The following FMN1 variants were observed in gnomAD, a reference collection of about 807,000 sequenced individuals.
FMN1 encodes formin 1, also known as formin-1.
A neutral mutation model predicts 132.4 loss-of-function variants in FMN1; 110 were observed. The observed-to-expected ratio is 0.83, with a 90% CI of 0.71 to 0.97. The LOEUF (loss-of-function observed/expected upper bound fraction) is 0.97. FMN1 is among the 50% of genes least tolerant of loss of function. The pLI, the probability that FMN1 is intolerant of heterozygous loss-of-function variation, is 0.00. For synonymous variants in FMN1, 722 were observed against 651.7 expected, an observed-to-expected ratio of 1.11 and a Z score of -1.64; for missense variants, 1,792 against 1,705.3, an observed-to-expected ratio of 1.05 and a Z score of -0.90.
At chr15:32,777,479 AT>A (rs1567149083) in intron 19 of FMN1, among the ~76,000 whole-genome samples, 2 of 116,598 alleles carry the variant, frequency 1.7e-5, no homozygotes, top group Admixed American at 9.1e-5. Context: ...ATATTTATAT[AT>A]TATATTTATA....
chr15:33,146,820 G>A (rs1163521837), intron 4 of FMN1, among the ~76,000 whole-genome samples: 1 of 152,166 alleles, frequency 6.6e-6, no homozygotes. Flanking sequence ...GCTATCAAGA[G>A]GAAGGGGGTG....
At chr15:33,116,576 A>AG (rs1339605555) in intron 4 of FMN1, among the ~76,000 whole-genome samples, 2 of 152,034 alleles carry the variant, frequency 1.3e-5, no homozygotes, top group Non-Finnish European at 2.9e-5. Context: ...GTTTGTCGAA[A>AG]GTTTTTTTTT....
At chr15:33,165,056 C>T (rs569553148) in intron 3 of FMN1, among the ~76,000 whole-genome samples, 104 of 152,176 alleles carry the variant, frequency 6.8e-4, no homozygotes, top group Non-Finnish European at 1.1e-3. Context: ...TGTTTTTGTA[C>T]CCACCGCCTG....
chr15:33,018,979 A>C (rs1023924654), intron 6 of FMN1, among the ~76,000 whole-genome samples: 2 of 152,178 alleles, frequency 1.3e-5, no homozygotes, highest in Non-Finnish European at 2.9e-5. Flanking sequence ...CAAAGGAGTG[A>C]GCAGCAGCAA....
At chr15:33,138,445 A>T (rs1238000161) in intron 4 of FMN1, among the ~76,000 whole-genome samples, 1 of 151,908 alleles carries the variant, frequency 6.6e-6, no homozygotes, top group African/African-American at 2.4e-5. Context: ...CTCCTCTGAC[A>T]TCTCTCCCCA....
rs2141289586 is a variant in FMN1, at chr15:33,074,085, C to T, written c.2044-9011G>A. Among the ~76,000 whole-genome samples, 2 of 152,230 alleles carry T rather than the reference C, an allele frequency of 1.3e-5. 1 individual carries two copies. The highest frequency in any genetic ancestry group is 4.2e-4 in the South Asian group (2 of 4,818). On this transcript the variant is annotated intron_variant, in intron 5 of 20. Coordinates refer to ENST00000616417, the MANE Select transcript of FMN1 (RefSeq NM_001277313.2). ...GCATTTGAGGTCAAGGGAAGCGGAA[C>T]AACTGGCACCAGTTCATACTGCTCA...
At chr15:32,985,053 C>T (rs1039866759) in intron 7 of FMN1, among the ~76,000 whole-genome samples, 23 of 151,020 alleles carry the variant, frequency 1.5e-4, no homozygotes, top group Middle Eastern at 3.2e-3. Flanking sequence ...TAAAATCCCC[C>T]ATTGTATTCA....
chr15:33,185,797 C>G (rs1269612780), intron 2 of FMN1, among the ~76,000 whole-genome samples: 1 of 152,002 alleles, frequency 6.6e-6, no homozygotes, highest in African/African-American at 2.4e-5. Context: ...GTCTCGAACT[C>G]CTGACCTCAG....
chr15:32,782,762 C>T (rs2056704851), intron 19 of FMN1, among the ~76,000 whole-genome samples: 1 of 152,166 alleles, frequency 6.6e-6, no homozygotes, highest in Non-Finnish European at 1.5e-5. Flanking sequence ...TAATGTCCAT[C>T]AGTAGATGAC....
chr15:33,036,233 G>C lies in FMN1; in HGVS notation c.2162-28158C>G, dbSNP rs892350414. On this transcript the variant is annotated intron_variant, in intron 6 of 20. Transcript: ENST00000616417. ...AGAACCGTTTTTCTGCTTTGATACA[G>C]TGATGTAATTCAAATGCCTAGAAGA... is the stretch of plus-strand genomic sequence containing the variant. 5.3e-5 allele frequency among the ~76,000 whole-genome samples: 8 copies of C among 152,248 alleles called. No homozygotes were observed. In the East Asian group the frequency reaches 1.2e-3, roughly 22 times the overall value.
At chr15:32,885,981 G>A (rs2059887110) in intron 16 of FMN1, among the ~76,000 whole-genome samples, 2 of 152,002 alleles carry the variant, frequency 1.3e-5, no homozygotes, top group African/African-American at 4.8e-5. Flanking sequence ...TGCTGTATGT[G>A]TGAAAATTAT....
At chr15:32,897,334 C>G (rs747360338) in intron 15 of FMN1, among the ~76,000 whole-genome samples, 20 of 152,010 alleles carry the variant, frequency 1.3e-4, no homozygotes, top group Admixed American at 3.3e-4. Flanking sequence ...AATGTATTCA[C>G]AAAGGTCTGT....
At chr15:33,156,416 G>A (rs2140291282) in intron 3 of FMN1, among the ~76,000 whole-genome samples, 1 of 151,652 alleles carries the variant, frequency 6.6e-6, no homozygotes, top group South Asian at 2.1e-4. Context: ...GAATAGGTGG[G>A]ACTACAGGCA....
chr15:32,979,082 A>C lies in FMN1; in HGVS notation c.2224-9605T>G, dbSNP rs1377203651. On this transcript the variant is annotated intron_variant, in intron 7 of 20. Coordinates refer to ENST00000616417, the MANE Select transcript of FMN1 (RefSeq NM_001277313.2). Reference sequence around the variant, plus strand: ...ATGATACAGCTCTCTGGGAGCAAGAAGGGGCTCAGAGGAGTGGTTGGTGAT... The same window carrying C: ...ATGATACAGCTCTCTGGGAGCAAGACGGGGCTCAGAGGAGTGGTTGGTGAT... 2.6e-5 allele frequency among the ~76,000 whole-genome samples: 4 copies of C among 152,194 alleles called. No homozygotes were observed. In the East Asian group the frequency reaches 7.7e-4, roughly 29 times the overall value.
At chr15:33,086,350 C>A (rs934061859) in intron 5 of FMN1, among the ~76,000 whole-genome samples, 2 of 144,982 alleles carry the variant, frequency 1.4e-5, no homozygotes, top group Admixed American at 7.0e-5. Context: ...ACAAACCATA[C>A]TTAGTGAAAA....
chr15:32,830,298 AC>A (rs1185264955), intron 17 of FMN1, among the ~76,000 whole-genome samples: 4 of 152,142 alleles, frequency 2.6e-5, no homozygotes, highest in Non-Finnish European at 1.5e-5. Context: ...AAAAATAATC[AC>A]CCCTATTGTA....
chr15:33,029,137 C>T (rs990128812), intron 6 of FMN1, among the ~76,000 whole-genome samples: 2 of 152,124 alleles, frequency 1.3e-5, no homozygotes, highest in Non-Finnish European at 2.9e-5. Context: ...CTTAGACTAA[C>T]CCCCTTCCTC....
chr15:33,167,513 G>C (rs1218723039), intron 3 of FMN1, among the ~76,000 whole-genome samples: 1 of 152,128 alleles, frequency 6.6e-6, no homozygotes, highest in Non-Finnish European at 1.5e-5. Flanking sequence ...CTAGGCCTTT[G>C]GCTAAATGTA....
chr15:32,891,571 T>C (rs1323648817), intron 15 of FMN1, among the ~76,000 whole-genome samples: 1 of 151,990 alleles, frequency 6.6e-6, no homozygotes, highest in African/African-American at 2.4e-5. Context: ...AGAATGATGG[T>C]GGTATTTTGA....
Sources: allele counts gnomAD v4.1 joint callset (sites outside exome capture counted in the v4.1 genomes callset), GRCh38; gene constraint gnomAD v4.1.1; transcripts MANE v1.5; gene names NCBI Gene and HGNC (gene_info 2026-07-23, HGNC 2026-07-21).